Variants in TIE1 observed in about 807,000 individuals in gnomAD.
TIE1 encodes tyrosine kinase with immunoglobulin like and EGF like domains 1.
A neutral mutation model predicts 130.5 loss-of-function variants in TIE1; 89 were observed. The observed-to-expected ratio is 0.68, with a 90% CI of 0.57 to 0.81. The LOEUF (loss-of-function observed/expected upper bound fraction) is 0.81, where lower values mean the gene tolerates loss of function less well. TIE1 is among the 40% of genes least tolerant of loss of function. The pLI is 0.00. For synonymous variants in TIE1, 568 were observed against 629.4 expected (o/e 0.90, Z 1.46); for missense variants, 1,392 against 1,559.8 (o/e 0.89, Z 1.81).
rs185843087 is a variant in TIE1 at position 43,309,640 on chromosome 1, C to T, written c.1333+108C>T. 1,324 of 1,396,626 alleles carry T rather than the reference C, an allele frequency of 9.5e-4. 28 individuals carry two copies. The Admixed American group carries it at 0.037, about 39-fold the overall frequency. The allele number at this position is 1,396,626 out of a possible 1,614,324, so 86.5% of individuals were successfully genotyped here. A position where few individuals can be genotyped will look rare whatever the true frequency, so the allele number is the denominator to read the frequency against. ...CAGGAAGGACAAGGACATCTAAGGT[C>T]ATAGCCTAGCACCAGACAAAAAGCG... On this transcript the variant is annotated intron_variant, in intron 9 of 22. Coordinates refer to ENST00000372476, the MANE Select transcript of TIE1 (RefSeq NM_005424.5). This position sits in a 1 kb window ranked among gnomAD's most constrained non-coding sequence, Gnocchi z 6.3.
rs367944418 is a variant in TIE1, at chr1:43,307,397, C to T, written c.773-35C>T. 296 of 1,612,848 alleles carry T rather than the reference C, an allele frequency of 1.8e-4. No individual in the cohort carries two copies. The African/African-American group carries it at 3.5e-3, about 19-fold the overall frequency. ...GGCAGGTCCTGGGCCCAGGGGCCCACAGAGGCCCATACACCCCACACACTC... is the reference window on the plus strand; with the variant it reads ...GGCAGGTCCTGGGCCCAGGGGCCCATAGAGGCCCATACACCCCACACACTC... On this transcript the variant is annotated intron_variant, in intron 5 of 22. Coordinates refer to ENST00000372476, the MANE Select transcript of TIE1 (RefSeq NM_005424.5). This position sits in a 1 kb window ranked among gnomAD's most constrained non-coding sequence, Gnocchi z 5.4.
Position 43,312,626 on chromosome 1 carries a change from T to C in TIE1, c.1927+25T>C. 6.4e-7 allele frequency: 1 copy of C among 1,566,020 alleles called. No homozygotes were observed. The highest frequency in any genetic ancestry group is 8.7e-7 in the Non-Finnish European group (1 of 1,153,952). On this transcript the variant is annotated intron_variant, in intron 12 of 22. Coordinates refer to ENST00000372476, the MANE Select transcript of TIE1 (RefSeq NM_005424.5). This position sits in a 1 kb window ranked among gnomAD's most constrained non-coding sequence, Gnocchi z 5.6. ...GGTATGTGCAAGGCGCAAGGATAGC[T>C]GGGGGTTGGGGGAGGACGTGGGACA... is the stretch of plus-strand genomic sequence containing the variant.
In TIE1 at chr1:43,315,761, G is replaced by T. The variant is rs781539274; in HGVS notation, c.2410-1438G>T. On this transcript the variant is annotated intron_variant, in intron 14 of 22. Transcript: ENST00000372476. This position sits in a 1 kb window ranked among gnomAD's most constrained non-coding sequence, Gnocchi z 4.4. ...CACAGAAAGCCCTCACTGCTGTGGTGGGGGAGGGTAATGGGTACAGATGTC... is the reference window on the plus strand; with the variant it reads ...CACAGAAAGCCCTCACTGCTGTGGTTGGGGAGGGTAATGGGTACAGATGTC... Among the ~76,000 whole-genome samples, 1 of 152,186 alleles carries T rather than the reference G, an allele frequency of 6.6e-6. No homozygotes were observed. The highest frequency in any genetic ancestry group is 1.5e-5 in the Non-Finnish European group (1 of 68,032).
Position 43,315,773 on chromosome 1 carries a change from T to TGG in TIE1, c.2410-1424_2410-1423dup, listed in dbSNP as rs1646852795. Among the ~76,000 whole-genome samples the TGG allele has an allele frequency of 6.6e-6, 1 of 151,964 alleles. No individual in the cohort carries two copies. Among genetic ancestry groups the TGG allele is most frequent in the South Asian group, 2.1e-4 (1 of 4,820 alleles). On this transcript the variant is annotated intron_variant, in intron 14 of 22. Coordinates refer to ENST00000372476, the MANE Select transcript of TIE1 (RefSeq NM_005424.5). The surrounding 1 kb of genome is among the most constrained non-coding windows in gnomAD (Gnocchi z 4.4). ...TCACTGCTGTGGTGGGGGAGGGTAA[T>TGG]GGGTACAGATGTCGAGGGCAGGAGG...
At chr1:43,310,702 G>A (rs956813045) in intron 9 of TIE1, among the ~76,000 whole-genome samples, 2 of 151,968 alleles carry the variant, frequency 1.3e-5, no homozygotes, top group Non-Finnish European at 2.9e-5. Flanking sequence ...TGTATGATTC[G>A]GAGGCCCATT....
At position 43,317,743 on chromosome 1, in the gene TIE1, G is replaced by A. The variant is rs910834793; in HGVS notation, c.2731+69G>A. 7 of 1,480,148 alleles carry A rather than the reference G, an allele frequency of 4.7e-6. No individual in the cohort carries two copies. Among genetic ancestry groups the A allele is most frequent in the South Asian group, 3.8e-5 (3 of 79,748 alleles). 91.7% of individuals were successfully genotyped at this position (1,480,148 alleles called of 1,614,324 possible). ...TCCTCAGCCATCACCTCCACCACATGAGTAGCTTGCCAGGGGCTGCTGGTG... is the reference window on the plus strand; with the variant it reads ...TCCTCAGCCATCACCTCCACCACATAAGTAGCTTGCCAGGGGCTGCTGGTG... On this transcript the variant is annotated intron_variant, in intron 16 of 22. Coordinates refer to ENST00000372476, the MANE Select transcript of TIE1 (RefSeq NM_005424.5). The surrounding 1 kb of genome is among the most constrained non-coding windows in gnomAD (Gnocchi z 5.1).
chr1:43,302,272 T>C (rs770424612), intron 1 of TIE1, among the ~76,000 whole-genome samples: 38 of 152,290 alleles, frequency 2.5e-4, no homozygotes, highest in Non-Finnish European at 5.1e-4. Context: ...ATGGTTGTTA[T>C]GGGGTTTAAA....
In TIE1 at chr1:43,313,447, G is replaced by T; in HGVS notation, c.2218+22G>T. 1 of 1,612,784 alleles carries T rather than the reference G, an allele frequency of 6.2e-7. No individual in the cohort carries two copies. The highest frequency in any genetic ancestry group is 1.1e-5 in the South Asian group (1 of 91,026). On this transcript the variant is annotated intron_variant, in intron 13 of 22. Coordinates refer to ENST00000372476, the MANE Select transcript of TIE1 (RefSeq NM_005424.5). The surrounding 1 kb of genome is among the most constrained non-coding windows in gnomAD (Gnocchi z 6.2). ...AACGGTGAGAGGGCAGGGCCCACAGGACCCCCCGGGCTCTGAGCGGGGAGA... is the reference window on the plus strand; with the variant it reads ...AACGGTGAGAGGGCAGGGCCCACAGTACCCCCCGGGCTCTGAGCGGGGAGA...
Position 43,322,871 on chromosome 1 carries a change from G to T in TIE1, c.*149G>T. 1.5e-6 allele frequency: 1 copy of T among 682,262 alleles called. No individual in the cohort carries two copies. The allele number at this position is 682,262 out of a possible 1,614,324, so 42.3% of individuals were successfully genotyped here. A position where few individuals can be genotyped will look rare whatever the true frequency, so the allele number is the denominator to read the frequency against. On this transcript the variant is annotated 3_prime_UTR_variant, in exon 23 of 23. Coordinates refer to ENST00000372476, the MANE Select transcript of TIE1 (RefSeq NM_005424.5). The surrounding 1 kb of genome is among the most constrained non-coding windows in gnomAD (Gnocchi z 4.0). ...AGAAAAAAAGGGATCTGGGGATGGG[G>T]TGGGCTTAGGGGAACTGGGTTCCCA...
chr1:43,301,781 A>G (rs765184368), intron 1 of TIE1, among the ~76,000 whole-genome samples: 1 of 152,216 alleles, frequency 6.6e-6, no homozygotes, highest in Non-Finnish European at 1.5e-5. Flanking sequence ...AGGCAAGAGA[A>G]TCGCTTGAAT....
Position 43,313,252 on chromosome 1 carries a change from A to G in TIE1, c.2045A>G (p.Gln682Arg), listed in dbSNP as rs778642404. The change falls in exon 13 of 23, where the codon CAG (glutamine) becomes CGG (arginine). Residue 682 changes from glutamine (Q) to arginine (R), a missense_variant. Physicochemically the swap from Gln to Arg is conservative, Grantham distance 43 (BLOSUM62 1). Around this residue, in one of 6 missense-constraint regions of TIE1, gnomAD observed 551 missense variants for 565.5 expected, o/e 0.97. Transcript: ENST00000372476. This position sits in a 1 kb window ranked among gnomAD's most constrained non-coding sequence, Gnocchi z 6.2. ...ATATCCAAGTACGTTGTGGAGGTGC[A>G]GGTGGCTGGGGGTGCAGGAGACCCA... is the stretch of plus-strand genomic sequence containing the variant. ...GPISKYVVEV[Q>R]VAGGAGDPLW... The G allele has an allele frequency of 1.2e-6, 2 of 1,614,062 alleles. No homozygotes were observed. Among genetic ancestry groups the G allele is most frequent in the Non-Finnish European group, 1.7e-6 (2 of 1,179,930 alleles).
Position 43,309,058 on chromosome 1 carries a change from G to T in TIE1, c.1115G>T (p.Cys372Phe). 1 of 1,614,036 alleles carries T rather than the reference G, an allele frequency of 6.2e-7. No homozygotes were observed. The highest frequency in any genetic ancestry group is 8.5e-7 in the Non-Finnish European group (1 of 1,179,950). Residue 372 changes from cysteine to phenylalanine, a missense_variant, in exon 8 of 23, where the codon TGT becomes TTT. This residue lies in a region of TIE1 where 551 missense variants were observed against 565.5 expected (regional missense o/e 0.97). Transcript: ENST00000372476. The surrounding 1 kb of genome is among the most constrained non-coding windows in gnomAD (Gnocchi z 6.3). ...TTAGAGACGATGCCCCGGATCAACT[G>T]TGCAGCTGCAGGGAACCCCTTCCCC... ...FNLETMPRIN[C>F]AAAGNPFPVR...
rs571138039 is a variant in TIE1, at chr1:43,319,953, A to G, written c.3107+424A>G. 61 of 253,838 alleles carry G rather than the reference A, an allele frequency of 2.4e-4. No homozygotes were observed. The highest frequency in any genetic ancestry group is 1.1e-3 in the African/African-American group (51 of 45,052). 15.7% of individuals were successfully genotyped at this position (253,838 alleles called of 1,614,324 possible). A position where few individuals can be genotyped will look rare whatever the true frequency, so the allele number is the denominator to read the frequency against. On this transcript the variant is annotated intron_variant, in intron 19 of 22. Transcript: ENST00000372476. This position sits in a 1 kb window ranked among gnomAD's most constrained non-coding sequence, Gnocchi z 4.7. ...TCTCTGTGCCCCCTCCCCTGCAGAC[A>G]GCCCTCTTGGCACACTCCTCCTGTC... is the stretch of plus-strand genomic sequence containing the variant.
rs763040056 is a variant in TIE1, at chr1:43,306,253, A to G, written c.485-587A>G. ...TCCAGGAGGAGGGACTGAGAAGAGC[A>G]GTAGGGTCTGAAACACAAGGGTGTT... is the stretch of plus-strand genomic sequence containing the variant. On this transcript the variant is annotated intron_variant, in intron 3 of 22. Coordinates refer to ENST00000372476, the MANE Select transcript of TIE1 (RefSeq NM_005424.5). The surrounding 1 kb of genome is among the most constrained non-coding windows in gnomAD (Gnocchi z 4.9). Among the ~76,000 whole-genome samples the G allele has an allele frequency of 6.6e-6, 1 of 152,220 alleles. No homozygotes were observed. The highest frequency in any genetic ancestry group is 2.4e-5 in the African/African-American group (1 of 41,464).
At position 43,306,822 on chromosome 1, in the gene TIE1, C is replaced by A; in HGVS notation, c.485-18C>A. Reference sequence around the variant, plus strand: ...CCTCATGTAGTGCTGAGGCCCCTGACACATTCATGTCCCCCAGGATCCTAC... The same window carrying A: ...CCTCATGTAGTGCTGAGGCCCCTGAAACATTCATGTCCCCCAGGATCCTAC... On this transcript the variant is annotated intron_variant, in intron 3 of 22. Coordinates refer to ENST00000372476, the MANE Select transcript of TIE1 (RefSeq NM_005424.5). This position sits in a 1 kb window ranked among gnomAD's most constrained non-coding sequence, Gnocchi z 4.9. 12 of 1,595,962 alleles carry A rather than the reference C, an allele frequency of 7.5e-6. No individual in the cohort carries two copies. Among genetic ancestry groups the A allele is most frequent in the Non-Finnish European group, 1.0e-5 (12 of 1,171,000 alleles).
At chr1:43,314,835 T>TA (rs1330965432) in intron 14 of TIE1, among the ~76,000 whole-genome samples, 3 of 151,730 alleles carry the variant, frequency 2.0e-5, no homozygotes, top group Non-Finnish European at 2.9e-5. Flanking sequence ...CTCAAAAAAT[T>TA]AAAAAAGAAA....
In TIE1 at chr1:43,307,993, G is replaced by A; in HGVS notation, c.1042+69G>A. The A allele has an allele frequency of 6.3e-7, 1 of 1,591,386 alleles. No individual in the cohort carries two copies. The highest frequency in any genetic ancestry group is 1.1e-5 in the South Asian group (1 of 88,954). On this transcript the variant is annotated intron_variant, in intron 7 of 22. Transcript: ENST00000372476. The surrounding 1 kb of genome is among the most constrained non-coding windows in gnomAD (Gnocchi z 5.4). ...CCTTTACCAAACACATCTCCCCGGT[G>A]GAAGAGAGTAGTCCCTCCTTTCCCT...
rs756817199 is a variant in TIE1 at position 43,307,131 on chromosome 1, C to A, written c.641-11C>A. Reference sequence around the variant, plus strand: ...GGGTGAGGGTCAGCTGCTGAAGACACCTTCCTCCAGGTTGTGGGGCTGGGC... The same window carrying A: ...GGGTGAGGGTCAGCTGCTGAAGACAACTTCCTCCAGGTTGTGGGGCTGGGC... On this transcript the variant is annotated splice_polypyrimidine_tract_variant and intron_variant, in intron 4 of 22. Transcript: ENST00000372476. This position sits in a 1 kb window ranked among gnomAD's most constrained non-coding sequence, Gnocchi z 5.4. The A allele has an allele frequency of 5.6e-6, 9 of 1,613,892 alleles. No homozygotes were observed. The Admixed American group carries it at 1.0e-4, about 18-fold the overall frequency.
rs1646760644 is a variant in TIE1 at position 43,308,998 on chromosome 1, A to G, written c.1055A>G (p.Gln352Arg). The G allele has an allele frequency of 6.2e-7, 1 of 1,614,012 alleles. No individual in the cohort carries two copies. Among genetic ancestry groups the G allele is most frequent in the Non-Finnish European group, 8.5e-7 (1 of 1,179,942 alleles). Residue 352 changes from glutamine (Q) to arginine (R), a missense_variant, in exon 8 of 23, where the codon CAG becomes CGG. By Grantham distance (43) the Gln-to-Arg change is conservative. Around this residue, in one of 6 missense-constraint regions of TIE1, gnomAD observed 551 missense variants for 565.5 expected, o/e 0.97. Transcript: ENST00000372476. ...CCTTTCTCCCCAGACCGGATCCCCC[A>G]GATCCTCAACATGGCCTCAGAACTG... ...VHCEKSDRIP[Q>R]ILNMASELEF...
Sources: allele counts gnomAD v4.1 joint callset (sites outside exome capture counted in the v4.1 genomes callset), GRCh38; gene constraint gnomAD v4.1.1; regional missense constraint gnomAD v4.1.1; non-coding constraint Gnocchi (gnomAD v3.1); transcripts MANE v1.5; gene names NCBI Gene and HGNC (gene_info 2026-07-23, HGNC 2026-07-21).